The following SLC11A2 variants were observed in gnomAD, a reference collection of about 807,000 sequenced individuals.
SLC11A2 encodes the protein natural resistance-associated macrophage protein 2.
SLC11A2 carries 38 observed loss-of-function variants against 68.0 expected under a neutral mutation model. The observed-to-expected ratio is 0.56, with a 90% confidence interval of 0.43 to 0.73. The LOEUF is 0.73. SLC11A2 is among the 30% of genes least tolerant of loss of function. The pLI, the probability that SLC11A2 is intolerant of heterozygous loss-of-function variation, is 0.00. For missense variants in SLC11A2, 517 were observed against 690.5 expected (o/e 0.75, Z 2.82); for synonymous variants, 242 against 250.6 (o/e 0.97, Z 0.32).
intron 9 of SLC11A2, among the ~76,000 whole-genome samples, chr12:50,995,992 T>G (rs1449927227): frequency 2.0e-5 from 3 of 152,202 alleles, no homozygotes; most frequent in South Asian, 4.1e-4. Flanking sequence ...TCATGCCCTT[T>G]CGTTGAACTG....
At chr12:50,967,134 G>A in the SLC11A2 span, among the ~76,000 whole-genome samples, 2 of 151,286 alleles carry the variant, frequency 1.3e-5, no homozygotes, top group Non-Finnish European at 2.9e-5. Flanking sequence ...AAAAGAAAGA[G>A]AAATAGGGTC....
the SLC11A2 span, among the ~76,000 whole-genome samples, chr12:50,959,122 T>G: frequency 6.6e-6 from 1 of 152,148 alleles, no homozygotes; most frequent in Non-Finnish European, 1.5e-5. Context: ...ATATCCTCTT[T>G]TTTATTTTTT....
At chr12:50,984,482 T>C (rs1313089055), downstream of SLC11A2, among the ~76,000 whole-genome samples, 1 of 152,222 alleles carries the variant, frequency 6.6e-6, no homozygotes, top group Non-Finnish European at 1.5e-5. Flanking sequence ...AAGCAAGGGT[T>C]GCAGTATTGG....
At position 50,992,334 on chromosome 12, in the gene SLC11A2, G is replaced by A. The variant is rs771454855; in HGVS notation, c.1203C>T (p.Phe401=). 1 of 1,613,902 alleles carries A rather than the reference G, an allele frequency of 6.2e-7. No homozygotes were observed. The highest frequency in any genetic ancestry group is 1.1e-5 in the South Asian group (1 of 91,062). Residue 401 remains phenylalanine (F), a synonymous_variant, in exon 13 of 16, where the codon TTC becomes TTT. Transcript: ENST00000262052. Reference sequence around the variant, plus strand: ...CAAAGCGTGACCACTTTAGGTTCAGGAATCCCTGGAAGAAAACATAGGAGC... The same window carrying A: ...CAAAGCGTGACCACTTTAGGTTCAGAAATCCCTGGAAGAAAACATAGGAGC... ...TYSGQFVMEG[F]LNLKWSRFAR...
chr12:50,983,316 G>C (rs1032307040), downstream of SLC11A2, among the ~76,000 whole-genome samples: 3 of 152,062 alleles, frequency 2.0e-5, no homozygotes, highest in African/African-American at 7.2e-5. Context: ...TTATTATTAC[G>C]CAGAGCTTTT....
At chr12:51,001,232 G>A (rs1942192643) in intron 5 of SLC11A2, among the ~76,000 whole-genome samples, 2 of 151,642 alleles carry the variant, frequency 1.3e-5, no homozygotes, top group Admixed American at 6.6e-5. Context: ...CAGCACTTTG[G>A]GATGCCAACG....
At chr12:51,020,237 T>G (rs1334476795) in intron 1 of SLC11A2, among the ~76,000 whole-genome samples, 1 of 151,726 alleles carries the variant, frequency 6.6e-6, no homozygotes, top group Non-Finnish European at 1.5e-5. Context: ...TTTTTTTTTT[T>G]TGTAAAGGTG....
At chr12:51,023,032 A>G (rs1944149329) in intron 1 of SLC11A2, among the ~76,000 whole-genome samples, 1 of 152,260 alleles carries the variant, frequency 6.6e-6, no homozygotes, top group African/African-American at 2.4e-5. Context: ...ATACCTTATT[A>G]TATACATGTC....
intron 12 of SLC11A2, 41 bp from the exon 13 acceptor site, chr12:50,992,380 A>T: frequency 6.2e-7 from 1 of 1,608,542 alleles, no homozygotes; most frequent in Non-Finnish European, 8.5e-7. Flanking sequence ...CTGCAACAGG[A>T]AACAAAAAAA....
chr12:50,975,626 G>A (rs1490248240), downstream of SLC11A2, among the ~76,000 whole-genome samples: 1 of 152,024 alleles, frequency 6.6e-6, no homozygotes, highest in Non-Finnish European at 1.5e-5. Context: ...CAGAAGGCAA[G>A]AAATAACTAA....
At chr12:50,979,717 T>G (rs1271448711), downstream of SLC11A2, 3 of 387,678 alleles carry the variant, frequency 7.7e-6, no homozygotes, top group Non-Finnish European at 1.5e-5. Flanking sequence ...GAGGAAATTT[T>G]AAAGTGTCAT....
At chr12:50,991,461 C>A in intron 14 of SLC11A2, 138 bp downstream of exon 14, 1 of 724,040 alleles carries the variant, frequency 1.4e-6, no homozygotes, top group Non-Finnish European at 2.5e-6. Context: ...ATTCTCTAAG[C>A]CAAAGAGGAA....
intron 1 of SLC11A2, among the ~76,000 whole-genome samples, chr12:51,013,499 T>C (rs531629909): frequency 1.3e-4 from 19 of 151,706 alleles, no homozygotes; most frequent in African/African-American, 4.1e-4. Context: ...GGTTTCATCA[T>C]GTTGGCCAGG....
rs752084398 is a variant in SLC11A2 at position 51,004,742 on chromosome 12, T to C, written c.429+46A>G. On this transcript the variant is annotated intron_variant, in intron 5 of 15. Transcript: ENST00000262052. ...CAGCACATACCGCCAGACACACAGA[T>C]TCCTATGGCATGGGTGAGAGACAAA... 20 of 1,608,792 alleles carry C rather than the reference T, an allele frequency of 1.2e-5. No individual in the cohort carries two copies. The South Asian group carries it at 2.2e-4, about 18-fold the overall frequency.
the SLC11A2 span, among the ~76,000 whole-genome samples, chr12:50,952,678 C>A: frequency 1.3e-5 from 2 of 152,352 alleles, no homozygotes; most frequent in African/African-American, 2.4e-5. Flanking sequence ...CAGCTCGAGG[C>A]TTTGCAGGAG....
At chr12:50,967,621 G>T in the SLC11A2 span, among the ~76,000 whole-genome samples, 172 of 152,256 alleles carry the variant, frequency 1.1e-3, no homozygotes, top group African/African-American at 3.9e-3. Context: ...AAATGCCATG[G>T]ACTGTTAGCA....
At chr12:51,028,659 G>A (rs556455845), upstream of SLC11A2, 7 of 163,546 alleles carry the variant, frequency 4.3e-5, no homozygotes, top group South Asian at 1.1e-3. Flanking sequence ...CCTCTGAGAC[G>A]TGAGGTGAAA....
the SLC11A2 span, among the ~76,000 whole-genome samples, chr12:50,973,666 A>G: frequency 6.6e-6 from 1 of 152,234 alleles, no homozygotes; most frequent in Admixed American, 6.5e-5. Flanking sequence ...TGAGAGAAGA[A>G]GGCTACAGAT....
downstream of SLC11A2, chr12:50,985,948 T>C: frequency 8.7e-7 from 1 of 1,144,852 alleles, no homozygotes; most frequent in Non-Finnish European, 1.1e-6. Context: ...TGTAACCCTA[T>C]TAATAAATTA....
Sources: gnomAD v4.1 joint callset for allele counts (sites outside exome capture counted in the v4.1 genomes callset) on GRCh38, gnomAD v4.1.1 for gene constraint, MANE v1.5 for transcripts, NCBI Gene and HGNC (gene_info 2026-07-23, HGNC 2026-07-21) for gene names.